Variants in SSUH2 observed in about 807,000 individuals in gnomAD.
The protein encoded by SSUH2 is ssu-2 homolog.
In SSUH2, 47 loss-of-function variants were observed where a neutral mutation model predicts 55.3. The ratio of observed to expected loss-of-function variants is 0.85; its 90% CI spans 0.67 to 1.08. SSUH2 has a LOEUF of 1.08. Among genes scored for constraint, SSUH2 ranks in the 50% least tolerant of loss-of-function variants. The pLI is 0.00. For synonymous variants in SSUH2, 212 were observed against 191.5 expected, an observed-to-expected ratio of 1.11 and a Z score of -0.89; for missense variants, 535 against 490.7, an observed-to-expected ratio of 1.09 and a Z score of -0.85.
At chr3:8,666,981 T>C (rs114908033) in intron 5 of SSUH2, among the ~76,000 whole-genome samples, 3 of 152,170 alleles carry the variant, frequency 2.0e-5, no homozygotes. Flanking sequence ...TGCCCTCCCA[T>C]GCCACAGGGT....
Position 8,657,926 on chromosome 3 carries a change from A to G in SSUH2, c.-307+999T>C, listed in dbSNP as rs138171539. On this transcript the variant is annotated intron_variant, in intron 7 of 18. Transcript: ENST00000317371. ...GTCTCTTCCCAGCCTCCACGCCTGC[A>G]TAGCCCTGCATGGGCAGGACCGTAG... 3.6e-3 allele frequency among the ~76,000 whole-genome samples: 547 copies of G among 152,382 alleles called. 3 individuals carry two copies. Among genetic ancestry groups the G allele is most frequent in the Middle Eastern group, 0.024 (7 of 294 alleles).
intron 7 of SSUH2, among the ~76,000 whole-genome samples, chr3:8,652,746 T>G (rs1481136516): frequency 6.6e-6 from 1 of 152,150 alleles, no homozygotes; most frequent in Non-Finnish European, 1.5e-5. Context: ...TCTACCATTT[T>G]CTCCCTGGCA....
chr3:8,634,224 A>T, intron 3 of SSUH2: 1 of 573,016 alleles, frequency 1.7e-6, no homozygotes, highest in Non-Finnish European at 2.8e-6. Context: ...TGCTAGCAAC[A>T]TGATGGGAAG....
At chr3:8,657,334 G>A (rs55688504) in intron 7 of SSUH2, among the ~76,000 whole-genome samples, 22,111 of 152,216 alleles carry the variant, frequency 0.15, 1,712 homozygotes, top group Non-Finnish European at 0.16. Flanking sequence ...AATCCAAAGG[G>A]TGGTACAAGT....
chr3:8,640,793 T>C (rs1432396321), intron 1 of SSUH2, among the ~76,000 whole-genome samples: 2 of 152,028 alleles, frequency 1.3e-5, no homozygotes, highest in Non-Finnish European at 2.9e-5. Flanking sequence ...GGGTGAAGGG[T>C]TGGGAGAAGA....
intron 4 of SSUH2, among the ~76,000 whole-genome samples, chr3:8,632,767 C>G (rs1303806167): frequency 1.3e-5 from 2 of 152,204 alleles, no homozygotes; most frequent in Non-Finnish European, 1.5e-5. Context: ...ACAGAAGTGC[C>G]TGTCAGAGGC....
chr3:8,636,148 T>C (rs1039796806), intron 1 of SSUH2, among the ~76,000 whole-genome samples: 1 of 152,214 alleles, frequency 6.6e-6, no homozygotes, highest in African/African-American at 2.4e-5. Context: ...GAATTACAGA[T>C]GGCCACATAT....
intron 7 of SSUH2, among the ~76,000 whole-genome samples, chr3:8,652,804 G>A (rs1702556710): frequency 6.6e-6 from 1 of 152,058 alleles, no homozygotes; most frequent in Non-Finnish European, 1.5e-5. Flanking sequence ...CCCTCCTCTA[G>A]GAAGCCTTTC....
chr3:8,641,086 G>A (rs969249495), intron 1 of SSUH2, among the ~76,000 whole-genome samples: 2 of 152,076 alleles, frequency 1.3e-5, no homozygotes, highest in African/African-American at 2.4e-5. Context: ...TTCTGCCAGC[G>A]GCACCACTGG....
chr3:8,681,476 A>AGC (rs1705942185), intron 1 of SSUH2, among the ~76,000 whole-genome samples: 1 of 127,234 alleles, frequency 7.9e-6, no homozygotes, highest in East Asian at 2.7e-4. Context: ...CCCCCGTCGT[A>AGC]GGGGGGAGGC....
chr3:8,646,947 C>T (rs1411022701), upstream of SSUH2, among the ~76,000 whole-genome samples: 1 of 152,200 alleles, frequency 6.6e-6, no homozygotes, highest in Non-Finnish European at 1.5e-5. Context: ...GCTAAGTGCT[C>T]AAGAAACATT....
chr3:8,664,848 C>T (rs887087792), intron 5 of SSUH2, among the ~76,000 whole-genome samples: 10 of 152,220 alleles, frequency 6.6e-5, no homozygotes, highest in African/African-American at 2.4e-4. Context: ...TCATTAAGAT[C>T]AACACCAACC....
intron 10 of SSUH2, among the ~76,000 whole-genome samples, chr3:8,624,564 T>C (rs988964618): frequency 2.3e-4 from 35 of 152,308 alleles, no homozygotes; most frequent in African/African-American, 7.9e-4. Context: ...AGAAGTCCCA[T>C]TGAAGCCAAT....
At chr3:8,651,322 C>T (rs1702377177) in intron 7 of SSUH2, among the ~76,000 whole-genome samples, 1 of 152,174 alleles carries the variant, frequency 6.6e-6, no homozygotes, top group Non-Finnish European at 1.5e-5. Context: ...GTGAGGGAAG[C>T]CATCATTGCT....
chr3:8,681,417 C>CAGG (rs1705937921), intron 1 of SSUH2, among the ~76,000 whole-genome samples: 2 of 141,280 alleles, frequency 1.4e-5, no homozygotes, highest in South Asian at 2.3e-4. Context: ...GCACCCCCGG[C>CAGG]GAGCCCGGGA....
intron 3 of SSUH2, chr3:8,634,020 A>C (rs115157535): frequency 6.9e-7 from 1 of 1,459,678 alleles, no homozygotes; most frequent in Non-Finnish European, 9.3e-7. Flanking sequence ...AAAACACTTT[A>C]GTTGAAATGT....
chr3:8,633,936 C>T, intron 3 of SSUH2, 141 bp from the exon 4 acceptor site: 2 of 1,613,912 alleles, frequency 1.2e-6, no homozygotes, highest in Middle Eastern at 1.7e-4. Flanking sequence ...CTGGGGAGGG[C>T]ATCTCCTGCA....
At chr3:8,679,430 G>A (rs546520159) in intron 2 of SSUH2, among the ~76,000 whole-genome samples, 3 of 135,634 alleles carry the variant, frequency 2.2e-5, no homozygotes, top group African/African-American at 8.0e-5. Context: ...CTGGCTCTTA[G>A]GACCCCCATC....
intron 9 of SSUH2, among the ~76,000 whole-genome samples, chr3:8,625,984 G>T (rs355056): frequency 3.9e-5 from 6 of 152,144 alleles, no homozygotes; most frequent in African/African-American, 7.2e-5. Context: ...GCTCAGTTGT[G>T]GAGCGGCTGC....
Sources: gnomAD v4.1 joint callset for allele counts (sites outside exome capture counted in the v4.1 genomes callset) on GRCh38, gnomAD v4.1.1 for gene constraint, MANE v1.5 for transcripts, NCBI Gene and HGNC (gene_info 2026-07-23, HGNC 2026-07-21) for gene names.